Variants in GPHN observed in about 807,000 individuals in gnomAD.
The protein encoded by GPHN is gephyrin.
In GPHN, 17 loss-of-function variants were observed where a neutral mutation model predicts 95.5. That is an observed-to-expected ratio of 0.18 (90% CI 0.12 to 0.27). The LOEUF is 0.27. Ranked by LOEUF, GPHN falls within the 10% of genes least tolerant of loss-of-function variation. The pLI is 1.00. For synonymous variants in GPHN, 320 were observed against 322.5 expected, an observed-to-expected ratio of 0.99 and a Z score of 0.08; for missense variants, 660 against 978.1, an observed-to-expected ratio of 0.67 and a Z score of 4.34.
At chr14:67,110,063 A>G (rs1440093259) in intron 13 of GPHN, 77 bp from the exon 14 acceptor site, 1 of 1,306,744 alleles carries the variant, frequency 7.7e-7, no homozygotes, top group African/African-American at 1.5e-5. Flanking sequence ...TTAATATTAA[A>G]AAAATTAACA....
At chr14:66,795,002 G>C (rs1318283067) in intron 3 of GPHN, among the ~76,000 whole-genome samples, 1 of 152,024 alleles carries the variant, frequency 6.6e-6, no homozygotes, top group Non-Finnish European at 1.5e-5. Context: ...AGCTTCTCTG[G>C]AGGCTGAGGC....
intron 9 of GPHN, among the ~76,000 whole-genome samples, chr14:66,982,680 CAA>C (rs1200748031): frequency 2.0e-5 from 3 of 152,132 alleles, no homozygotes; most frequent in African/African-American, 7.2e-5. Context: ...TTTTGATTAT[CAA>C]TATATATAAG....
the GPHN span, among the ~76,000 whole-genome samples, chr14:67,610,493 C>G: frequency 6.6e-6 from 1 of 152,168 alleles, no homozygotes; most frequent in Non-Finnish European, 1.5e-5. Context: ...AAAGAATGAG[C>G]TGCTGTTGCT....
chr14:67,417,988 C>T, the GPHN span, among the ~76,000 whole-genome samples: 1 of 152,128 alleles, frequency 6.6e-6, no homozygotes, highest in Non-Finnish European at 1.5e-5. Flanking sequence ...GCAAGTGATC[C>T]TCCTGTCTTG....
rs1013421493 is a variant in GPHN at position 66,586,634 on chromosome 14, C to T, written c.64+78043C>T. ...CTTATCTGTAAAGGATTTTATTTCT[C>T]CTTCACTTATGAAGCTTAGTTTGGC... is the stretch of plus-strand genomic sequence containing the variant. On this transcript the variant is annotated intron_variant, in intron 1 of 22. Coordinates refer to ENST00000478722, the MANE Select transcript of GPHN (RefSeq NM_020806.5). 2.2e-4 allele frequency among the ~76,000 whole-genome samples: 33 copies of T among 152,154 alleles called. 1 individual carries two copies. Among genetic ancestry groups the T allele is most frequent in the Admixed American group, 1.9e-3 (29 of 15,276 alleles).
At chr14:67,397,680 C>G in the GPHN span, 1 of 1,612,046 alleles carries the variant, frequency 6.2e-7, no homozygotes, top group Non-Finnish European at 8.5e-7. Context: ...TTTCATACTC[C>G]AGGCAGGGGC....
At chr14:67,430,330 T>G in the GPHN span, among the ~76,000 whole-genome samples, 2 of 151,940 alleles carry the variant, frequency 1.3e-5, no homozygotes, top group Admixed American at 1.3e-4. Context: ...GGAGGAAAAA[T>G]ACCCACTGTA....
At chr14:66,872,826 C>T (rs118059845) in intron 4 of GPHN, among the ~76,000 whole-genome samples, 6,573 of 149,130 alleles carry the variant, frequency 0.044, 185 homozygotes, top group Middle Eastern at 0.067. Context: ...ACCCGGGAGA[C>T]GGAGTTTGCA....
chr14:67,053,684 C>A (rs990468995), intron 10 of GPHN, among the ~76,000 whole-genome samples: 1 of 152,168 alleles, frequency 6.6e-6, no homozygotes, highest in African/African-American at 2.4e-5. Context: ...AGGCCAATAT[C>A]CCTGATGATC....
the GPHN span, among the ~76,000 whole-genome samples, chr14:67,349,427 T>C: frequency 2.0e-5 from 3 of 152,238 alleles, no homozygotes; most frequent in African/African-American, 4.8e-5. Flanking sequence ...TAGTGTGAGA[T>C]AGAGAAAACT....
the GPHN span, among the ~76,000 whole-genome samples, chr14:67,611,369 T>TCCAGCCTCAG: frequency 6.6e-6 from 1 of 152,050 alleles, no homozygotes; most frequent in Non-Finnish European, 1.5e-5. Flanking sequence ...CAAGTGATTC[T>TCCAGCCTCAG]CCAGCCTCAG....
chr14:67,253,923 G>T, the GPHN span, among the ~76,000 whole-genome samples: 1 of 146,116 alleles, frequency 6.8e-6, no homozygotes, highest in African/African-American at 2.6e-5. Flanking sequence ...TAGAGCATTT[G>T]TTTACTGATA....
At chr14:67,617,611 A>G in the GPHN span, among the ~76,000 whole-genome samples, 1 of 152,368 alleles carries the variant, frequency 6.6e-6, no homozygotes, top group East Asian at 1.9e-4. Context: ...TGACTAAACT[A>G]TAGGTAGTGG....
chr14:67,165,290 T>G (rs1162370771), intron 20 of GPHN, 64 bp downstream of exon 20: 18 of 995,852 alleles, frequency 1.8e-5, no homozygotes, highest in Non-Finnish European at 2.9e-5. Flanking sequence ...TTTGGACTTC[T>G]CATGTGACCA....
At chr14:66,873,563 C>T (rs1220031699) in intron 4 of GPHN, among the ~76,000 whole-genome samples, 9 of 152,160 alleles carry the variant, frequency 5.9e-5, no homozygotes, top group Admixed American at 5.9e-4. Flanking sequence ...CTGGGGCACT[C>T]CAGCTTGGTG....
chr14:67,198,025 A>G, the GPHN span: 2 of 1,016,720 alleles, frequency 2.0e-6, no homozygotes, highest in East Asian at 5.2e-5. Flanking sequence ...GTGCAGTGCC[A>G]AGCATATCAC....
chr14:67,578,435 T>A, the GPHN span: 1 of 939,410 alleles, frequency 1.1e-6, no homozygotes, highest in Admixed American at 2.0e-5. The surrounding 1 kb of genome is among the most constrained non-coding windows in gnomAD (Gnocchi z 5.0). Flanking sequence ...GGGGCTCTGG[T>A]TTGGGGAAAG....
At chr14:66,732,991 G>GA (rs1476574986) in intron 2 of GPHN, among the ~76,000 whole-genome samples, 1 of 152,148 alleles carries the variant, frequency 6.6e-6, no homozygotes, top group African/African-American at 2.4e-5. Context: ...GCCAGGGGTG[G>GA]AATGATACAG....
At chr14:67,108,460 G>A (rs1020960345) in intron 13 of GPHN, among the ~76,000 whole-genome samples, 10 of 152,138 alleles carry the variant, frequency 6.6e-5, no homozygotes, top group Non-Finnish European at 1.3e-4. Context: ...ATGATGATGT[G>A]ATCTGGAGAG....
Sources: gnomAD v4.1 joint callset for allele counts (sites outside exome capture counted in the v4.1 genomes callset) on GRCh38, gnomAD v4.1.1 for gene constraint, Gnocchi (gnomAD v3.1) non-coding constraint, MANE v1.5 for transcripts, NCBI Gene and HGNC (gene_info 2026-07-23, HGNC 2026-07-21) for gene names.